The following AKAP13 variants were observed in gnomAD, a reference collection of about 807,000 sequenced individuals.
The protein encoded by AKAP13 is A-kinase anchoring protein 13, also known as A-kinase anchor protein 13.
In AKAP13, 80 loss-of-function variants were observed where a neutral mutation model predicts 264.5. The observed-to-expected ratio is 0.30, with a 90% confidence interval of 0.25 to 0.36. The LOEUF (loss-of-function observed/expected upper bound fraction) is 0.36. AKAP13 is among the 10% of genes least tolerant of loss of function. The pLI is 1.00. For synonymous variants in AKAP13, 1,380 were observed against 1,250.2 expected (o/e 1.10, Z -2.19); for missense variants, 3,712 against 3,435.2 (o/e 1.08, Z -2.01).
intron 6 of AKAP13, chr15:85,577,840 C>T (rs910176423): frequency 3.0e-6 from 3 of 985,178 alleles, no homozygotes; most frequent in Non-Finnish European, 3.6e-6. Flanking sequence ...TTGGTTGGAA[C>T]ATATTTTGGG....
intron 1 of AKAP13, among the ~76,000 whole-genome samples, chr15:85,469,994 G>T (rs2074900923): frequency 6.6e-6 from 1 of 152,110 alleles, no homozygotes; most frequent in Non-Finnish European, 1.5e-5. Flanking sequence ...CAGTACTAAA[G>T]AAAACTGAAT....
intron 1 of AKAP13, among the ~76,000 whole-genome samples, chr15:85,484,432 T>G (rs1468663450): frequency 6.6e-6 from 1 of 152,178 alleles, no homozygotes; most frequent in South Asian, 2.1e-4. Context: ...AGGTCTGTTA[T>G]AGCGCATGGG....
At chr15:85,687,042 G>T (rs1464111780) in intron 16 of AKAP13, among the ~76,000 whole-genome samples, 1 of 152,118 alleles carries the variant, frequency 6.6e-6, no homozygotes, top group Non-Finnish European at 1.5e-5. Context: ...TTAGGACAGA[G>T]CAGTGAATGT....
chr15:85,626,678 G>T (rs2081424578), intron 8 of AKAP13, among the ~76,000 whole-genome samples: 3 of 152,350 alleles, frequency 2.0e-5, no homozygotes, highest in African/African-American at 7.2e-5. Flanking sequence ...CCATTTGGCT[G>T]TTGCAAATAA....
intron 9 of AKAP13, among the ~76,000 whole-genome samples, chr15:85,644,944 A>G (rs566790377): frequency 6.6e-6 from 1 of 152,342 alleles, no homozygotes; most frequent in South Asian, 2.1e-4. Flanking sequence ...CCTGGGCAAC[A>G]TGCCAAAACC....
chr15:85,612,579 T>G (rs958759405), intron 8 of AKAP13, among the ~76,000 whole-genome samples: 8 of 152,116 alleles, frequency 5.3e-5, no homozygotes, highest in African/African-American at 1.9e-4. Flanking sequence ...CCCAGCAGTT[T>G]GGGAGGCCGA....
chr15:85,666,258 G>A (rs2083592246), intron 13 of AKAP13, among the ~76,000 whole-genome samples: 1 of 152,128 alleles, frequency 6.6e-6, no homozygotes, highest in Non-Finnish European at 1.5e-5. Context: ...GTTTTGATTT[G>A]CATTTCTCTG....
chr15:85,616,265 A>G (rs2080932529), intron 8 of AKAP13, among the ~76,000 whole-genome samples: 1 of 152,226 alleles, frequency 6.6e-6, no homozygotes, highest in South Asian at 2.1e-4. Context: ...AACTGGAACT[A>G]AAGCAGCCAC....
chr15:85,435,196 C>T (rs1478222453), intron 1 of AKAP13, among the ~76,000 whole-genome samples: 74 of 147,772 alleles, frequency 5.0e-4, no homozygotes, highest in African/African-American at 1.6e-3. Context: ...GGAGCCGATG[C>T]GATCAACTGG....
At chr15:85,677,394 G>A (rs2084284902) in intron 14 of AKAP13, among the ~76,000 whole-genome samples, 1 of 152,110 alleles carries the variant, frequency 6.6e-6, no homozygotes, top group African/African-American at 2.4e-5. Context: ...ATCCCATTGT[G>A]TACTCTTTCT....
intron 1 of AKAP13, among the ~76,000 whole-genome samples, chr15:85,429,073 T>C (rs1009916899): frequency 1.3e-5 from 2 of 152,176 alleles, no homozygotes; most frequent in Admixed American, 1.3e-4. Flanking sequence ...GAATTCAAAA[T>C]CTTGACTGAA....
intron 1 of AKAP13, among the ~76,000 whole-genome samples, chr15:85,407,924 T>A (rs748879417): frequency 7.9e-5 from 12 of 151,568 alleles, no homozygotes. Context: ...GGACAGATTG[T>A]GAGGGCTTGA....
chr15:85,685,182 A>C lies in AKAP13; in HGVS notation c.5289+309A>C, dbSNP rs902810855. The C allele has an allele frequency of 2.9e-5, 6 of 207,498 alleles. No homozygotes were observed. The East Asian group carries it at 3.3e-4, about 11-fold the overall frequency. The allele number at this position is 207,498 out of a possible 1,614,324, so 12.9% of individuals were successfully genotyped here. ...TGTACCTTACCGAGGATACTCCTCT[A>C]ATGTGAAGAAGTAGTTCAAACCAGA... On this transcript the variant is annotated intron_variant, in intron 16 of 36. Transcript: ENST00000394518.
intron 20 of AKAP13, 37 bp from the exon 21 acceptor site, chr15:85,717,253 A>C: frequency 3.7e-6 from 5 of 1,344,548 alleles, no homozygotes; most frequent in Non-Finnish European, 5.3e-6. Flanking sequence ...GGTTATCAGA[A>C]TGTATTTGAC....
rs1238571106 is a variant in AKAP13 at position 85,406,637 on chromosome 15, C to T, written c.-12+25839C>T. ...GGTACTATATACAGCAGTTACTGAC[C>T]TTTCCAGTCTGAATTCCTATTTAGA... On this transcript the variant is annotated intron_variant, in intron 1 of 36. Coordinates refer to ENST00000394518, the MANE Select transcript of AKAP13 (RefSeq NM_007200.5). 1.3e-5 allele frequency among the ~76,000 whole-genome samples: 2 copies of T among 151,184 alleles called. 1 individual carries two copies. Among genetic ancestry groups the T allele is most frequent in the African/African-American group, 4.9e-5 (2 of 40,656 alleles).
chr15:85,642,466 T>C (rs2082351341), intron 9 of AKAP13, among the ~76,000 whole-genome samples: 1 of 152,246 alleles, frequency 6.6e-6, no homozygotes, highest in African/African-American at 2.4e-5. Flanking sequence ...AAGAAAAGAT[T>C]TTATTAATTT....
chr15:85,715,420 A>G (rs1364796325), intron 19 of AKAP13, among the ~76,000 whole-genome samples: 2 of 152,220 alleles, frequency 1.3e-5, no homozygotes, highest in African/African-American at 4.8e-5. Context: ...ATATGCAGGT[A>G]TATCTTGTAA....
At chr15:85,696,425 C>T (rs918079578) in intron 17 of AKAP13, among the ~76,000 whole-genome samples, 4 of 152,164 alleles carry the variant, frequency 2.6e-5, no homozygotes, top group Admixed American at 2.0e-4. Flanking sequence ...AAAGACTGAG[C>T]GAGGCACCCA....
At chr15:85,704,769 G>A (rs901927250) in intron 17 of AKAP13, among the ~76,000 whole-genome samples, 4 of 152,230 alleles carry the variant, frequency 2.6e-5, no homozygotes, top group Non-Finnish European at 5.9e-5. Context: ...TTGTGGCAGA[G>A]AGCTTAAAAA....
Sources: gnomAD v4.1 joint callset for allele counts (sites outside exome capture counted in the v4.1 genomes callset) on GRCh38, gnomAD v4.1.1 for gene constraint, MANE v1.5 for transcripts, NCBI Gene and HGNC (gene_info 2026-07-23, HGNC 2026-07-21) for gene names.